GMPR: variants seen among roughly 807,000 people sequenced by gnomAD.
GMPR encodes the protein GMP reductase 1.
In GMPR, 31 loss-of-function variants were observed where a neutral mutation model predicts 38.4. The ratio of observed to expected loss-of-function variants is 0.81; its 90% CI spans 0.61 to 1.09. The LOEUF (loss-of-function observed/expected upper bound fraction) is 1.09, where lower values mean the gene tolerates loss of function less well. Ranked by LOEUF, GMPR falls within the 50% of genes least tolerant of loss-of-function variation. The pLI is 0.00. For synonymous variants in GMPR, 162 were observed against 173.3 expected (o/e 0.93, Z 0.51); for missense variants, 468 against 453.7 (o/e 1.03, Z -0.29).
chr6:16,280,264 T>A (rs1391135065), intron 6 of GMPR, among the ~76,000 whole-genome samples: 3 of 152,124 alleles, frequency 2.0e-5, no homozygotes, highest in Admixed American at 6.5e-5. Context: ...ATGATGAAAG[T>A]CTTGGGAATG....
intron 5 of GMPR, among the ~76,000 whole-genome samples, chr6:16,276,499 G>A (rs1359904917): frequency 6.6e-6 from 1 of 152,062 alleles, no homozygotes; most frequent in Admixed American, 6.5e-5. Context: ...ATGTGGTCTC[G>A]AACATTTACT....
chr6:16,262,047 A>G (rs1040251682), intron 4 of GMPR: 2 of 151,626 alleles, frequency 1.3e-5, no homozygotes, highest in African/African-American at 4.8e-5. Context: ...GAGTTGGGGG[A>G]TTTTAAGAGG....
At chr6:16,263,832 G>C (rs1346199464) in intron 4 of GMPR, among the ~76,000 whole-genome samples, 1 of 151,612 alleles carries the variant, frequency 6.6e-6, no homozygotes, top group African/African-American at 2.4e-5. Flanking sequence ...AGAGATAAGA[G>C]GTCGGGGCAC....
chr6:16,241,230 G>A (rs181412410), intron 1 of GMPR, among the ~76,000 whole-genome samples: 1 of 152,312 alleles, frequency 6.6e-6, no homozygotes, highest in Admixed American at 6.5e-5. Context: ...CCTGGGAGTA[G>A]AGTCTGGCTG....
rs1362366842 is a variant in GMPR at position 16,240,075 on chromosome 6, A to AG, written c.87+1300dup. ...TCCTAAGGCAAGACCAAGATGAAAT[A>AG]GGGGGATTCTGGATGTGCTAATAAT... On this transcript the variant is annotated intron_variant, in intron 1 of 8. Coordinates refer to ENST00000259727, the MANE Select transcript of GMPR (RefSeq NM_006877.4). 6.6e-5 allele frequency among the ~76,000 whole-genome samples: 10 copies of AG among 152,336 alleles called. No homozygotes were observed. In the East Asian group the frequency reaches 1.9e-3, roughly 29 times the overall value.
intron 4 of GMPR, among the ~76,000 whole-genome samples, chr6:16,259,547 G>A (rs933003045): frequency 2.6e-5 from 4 of 151,908 alleles, no homozygotes; most frequent in African/African-American, 9.7e-5. Flanking sequence ...GGGCTGCTTC[G>A]AGTGGGATTA....
At chr6:16,262,704 T>A (rs1759110413) in intron 4 of GMPR, 2 of 152,024 alleles carry the variant, frequency 1.3e-5, no homozygotes, top group Non-Finnish European at 2.9e-5. Flanking sequence ...TAAAGTGTAT[T>A]TTGAGAATAA....
chr6:16,276,728 A>G (rs1016601792), intron 5 of GMPR, among the ~76,000 whole-genome samples: 2 of 152,200 alleles, frequency 1.3e-5, no homozygotes, highest in Non-Finnish European at 2.9e-5. Flanking sequence ...TCTTTATGGT[A>G]AAAACATTGC....
intron 2 of GMPR, among the ~76,000 whole-genome samples, chr6:16,249,974 G>A (rs1330751405): frequency 6.6e-6 from 1 of 152,188 alleles, no homozygotes; most frequent in African/African-American, 2.4e-5. Flanking sequence ...ATACAGGTGT[G>A]GGTGGGAGCC....
At chr6:16,272,049 A>T (rs1463571581) in intron 4 of GMPR, among the ~76,000 whole-genome samples, 1 of 152,042 alleles carries the variant, frequency 6.6e-6, no homozygotes, top group Non-Finnish European at 1.5e-5. Context: ...CATCTCTACT[A>T]AAAATACAAA....
rs1483191404 is a variant in GMPR, at chr6:16,285,031, AAC to A, written c.655-760_655-759del. Among the ~76,000 whole-genome samples the A allele has an allele frequency of 4.4e-3, 445 of 102,024 alleles. 21 individuals carry two copies. Among genetic ancestry groups the A allele is most frequent in the South Asian group, 0.012 (34 of 2,924 alleles). The allele number at this position is 102,024 out of a possible 152,430, so 66.9% of individuals were successfully genotyped here. A position where few individuals can be genotyped will look rare whatever the true frequency, so the allele number is the denominator to read the frequency against. ...TGAGACTGTCTCAAAAAAAAAAAAAAACAAAAAAAAAAAAACAGAAAAGAAAA... is the reference window on the plus strand; with the variant it reads ...TGAGACTGTCTCAAAAAAAAAAAAAAAAAAAAAAAAAAACAGAAAAGAAAA... On this transcript the variant is annotated intron_variant, in intron 6 of 8. Transcript: ENST00000259727.
At chr6:16,262,787 G>T (rs1759111940) in intron 4 of GMPR, 1 of 152,018 alleles carries the variant, frequency 6.6e-6, no homozygotes, top group Non-Finnish European at 1.5e-5. Flanking sequence ...GCCATGAACT[G>T]GGCTGGATTT....
chr6:16,240,790 C>T (rs1758634251), intron 1 of GMPR, among the ~76,000 whole-genome samples: 1 of 152,194 alleles, frequency 6.6e-6, no homozygotes, highest in Non-Finnish European at 1.5e-5. Context: ...GTACACATTG[C>T]AGTGAGAACT....
chr6:16,283,443 A>T (rs993994324), intron 6 of GMPR, among the ~76,000 whole-genome samples: 6 of 152,352 alleles, frequency 3.9e-5, no homozygotes, highest in African/African-American at 1.2e-4. Context: ...GTAGACTGCC[A>T]TGTCTGTCCT....
Position 16,295,141 on chromosome 6 carries a change from A to G in GMPR, c.993A>G (p.Ala331=). ...AACTCAAGGAGCTCAGCAGGAGGGC[A>G]ACATTCATCCGGGTGACCCAGCAGC... ...AAKLKELSRR[A]TFIRVTQQHN... is the part of the protein sequence containing the mutation. The change falls in exon 9 of 9, where the codon GCA becomes GCG. Residue 331 remains alanine, a synonymous_variant. Transcript: ENST00000259727. 1.9e-6 allele frequency: 3 copies of G among 1,564,382 alleles called. No individual in the cohort carries two copies. In the Admixed American group the frequency reaches 6.3e-5, roughly 33 times the overall value.
At chr6:16,265,990 G>C (rs553060216) in intron 4 of GMPR, among the ~76,000 whole-genome samples, 1 of 152,168 alleles carries the variant, frequency 6.6e-6, no homozygotes, top group Non-Finnish European at 1.5e-5. Flanking sequence ...CAACCTTTAA[G>C]AGCTGTAACA....
intron 6 of GMPR, among the ~76,000 whole-genome samples, chr6:16,281,439 A>G (rs1046277753): frequency 2.6e-5 from 4 of 152,014 alleles, no homozygotes; most frequent in Non-Finnish European, 5.9e-5. Flanking sequence ...GGAAGGTAGC[A>G]CTTCTGATCT....
intron 6 of GMPR, 133 bp from the exon 7 acceptor site, chr6:16,285,660 G>A: frequency 1.4e-6 from 1 of 714,502 alleles, no homozygotes; most frequent in South Asian, 1.5e-5. Flanking sequence ...CGTGGTAGGG[G>A]AACTTGGGCC....
intron 7 of GMPR, among the ~76,000 whole-genome samples, chr6:16,286,863 G>A (rs1171349853): frequency 1.3e-5 from 2 of 151,990 alleles, no homozygotes; most frequent in Non-Finnish European, 2.9e-5. Context: ...CCAAGATCAC[G>A]CCACTGCACT....
Sources: allele counts gnomAD v4.1 joint callset (sites outside exome capture counted in the v4.1 genomes callset), GRCh38; gene constraint gnomAD v4.1.1; transcripts MANE v1.5; gene names NCBI Gene and HGNC (gene_info 2026-07-23, HGNC 2026-07-21).